Variants in RUSC2 observed in about 807,000 individuals in gnomAD.
RUSC2 encodes the protein RUN and SH3 domain containing 2, also known as AP-4 complex accessory subunit RUSC2.
RUSC2 carries 34 observed loss-of-function variants against 122.2 expected under a neutral mutation model. That is an observed-to-expected ratio of 0.28 (90% CI 0.21 to 0.37). RUSC2 has a LOEUF of 0.37. Among genes scored for constraint, RUSC2 ranks in the 10% least tolerant of loss-of-function variants. The probability of loss-of-function intolerance (pLI) is 1.00; values close to 1 mark genes in which losing one functional copy is unlikely to be tolerated. For synonymous variants in RUSC2, 784 were observed against 790.0 expected, an observed-to-expected ratio of 0.99 and a Z score of 0.13; for missense variants, 1,747 against 1,952.4, an observed-to-expected ratio of 0.89 and a Z score of 1.98.
intron 1 of RUSC2, among the ~76,000 whole-genome samples, chr9:35,512,705 G>A (rs1196154813): frequency 2.0e-5 from 3 of 152,034 alleles, no homozygotes; most frequent in Non-Finnish European, 4.4e-5. Flanking sequence ...GTTATACTTT[G>A]TTTTCTGTTT....
At chr9:35,540,068 C>T (rs1821611944) in intron 1 of RUSC2, among the ~76,000 whole-genome samples, 1 of 152,154 alleles carries the variant, frequency 6.6e-6, no homozygotes, top group Non-Finnish European at 1.5e-5. Context: ...TGCTCCATTG[C>T]TGAGCAGGTA....
At chr9:35,529,177 T>C (rs764733716) in intron 1 of RUSC2, among the ~76,000 whole-genome samples, 3 of 151,710 alleles carry the variant, frequency 2.0e-5, no homozygotes, top group Non-Finnish European at 4.4e-5. Context: ...TCAAGGAGGG[T>C]AGAGATATAA....
At chr9:35,539,216 A>C (rs887107166) in intron 1 of RUSC2, 1 of 4,660 alleles carries the variant, frequency 2.1e-4, no homozygotes, top group Non-Finnish European at 3.9e-4. Context: ...CAAAAGGGAG[A>C]GGGGGGCGGT....
At position 35,560,705 on chromosome 9, in the gene RUSC2, G is replaced by A. The variant is rs1407807900; in HGVS notation, c.4065G>A (p.Glu1355=). The A allele has an allele frequency of 6.4e-7, 1 of 1,556,992 alleles. No individual in the cohort carries two copies. The highest frequency in any genetic ancestry group is 8.7e-7 in the Non-Finnish European group (1 of 1,150,752). Reference sequence around the variant, plus strand: ...GCCCCCCTGACTCTGTGCTGGCCGAGCTGAGGCGCAGTCGGGAGAGGGAAG... The same window carrying A: ...GCCCCCCTGACTCTGTGCTGGCCGAACTGAGGCGCAGTCGGGAGAGGGAAG... ...MGSPPDSVLA[E]LRRSREREGP... Residue 1355 remains glutamate (E), a synonymous_variant, in exon 10 of 12, where the codon GAG becomes GAA. Coordinates refer to ENST00000361226, the MANE Select transcript of RUSC2 (RefSeq NM_014806.5).
At chr9:35,517,513 G>GA (rs1821130592) in intron 1 of RUSC2, among the ~76,000 whole-genome samples, 1 of 83,732 alleles carries the variant, frequency 1.2e-5, no homozygotes, top group Non-Finnish European at 2.5e-5. Flanking sequence ...CCACAAACAG[G>GA]GGAGAATTAG....
chr9:35,561,421 C>T lies in RUSC2; in HGVS notation c.*39C>T, dbSNP rs370787338. The T allele has an allele frequency of 4.8e-4, 734 of 1,524,986 alleles. No homozygotes were observed. Among genetic ancestry groups the T allele is most frequent in the Non-Finnish European group, 6.0e-4 (673 of 1,123,696 alleles). The allele number at this position is 1,524,986 out of a possible 1,614,324, so 94.5% of individuals were successfully genotyped here. On this transcript the variant is annotated 3_prime_UTR_variant, in exon 12 of 12. Coordinates refer to ENST00000361226, the MANE Select transcript of RUSC2 (RefSeq NM_014806.5). ...CTGGTGGCCTCAGGGACCCTCATAA[C>T]CCCCAGACTCAGAGCCCGAGAGCCC...
chr9:35,515,315 T>C (rs1436164361), intron 1 of RUSC2, among the ~76,000 whole-genome samples: 1 of 152,170 alleles, frequency 6.6e-6, no homozygotes, highest in East Asian at 1.9e-4. Context: ...CCTGAATCAC[T>C]ACCATGTAAA....
At chr9:35,497,683 G>A (rs756782147) in intron 1 of RUSC2, among the ~76,000 whole-genome samples, 2 of 152,158 alleles carry the variant, frequency 1.3e-5, no homozygotes, top group African/African-American at 2.4e-5. Flanking sequence ...TATTATTAAT[G>A]ATATGCACAC....
intron 1 of RUSC2, among the ~76,000 whole-genome samples, chr9:35,519,477 C>T (rs981064100): frequency 1.4e-4 from 21 of 152,104 alleles, no homozygotes; most frequent in African/African-American, 4.8e-4. Context: ...GTAACACTGG[C>T]GGTGGATTAG....
At position 35,555,385 on chromosome 9, in the gene RUSC2, C is replaced by T. The variant is rs755827653; in HGVS notation, c.2340C>T (p.Tyr780=). 7 of 1,614,242 alleles carry T rather than the reference C, an allele frequency of 4.3e-6. No homozygotes were observed. Among genetic ancestry groups the T allele is most frequent in the Non-Finnish European group, 5.9e-6 (7 of 1,180,038 alleles). The part of the protein sequence containing the change: ...ETSRPSPLGS[Y]SPIRSVGPFG... The stretch of plus-strand genomic sequence containing the variant: ...CTCGGCCATCGCCCCTGGGCAGCTA[C>T]TCCCCCATCCGGAGTGTTGGCCCCT... Residue 780 remains tyrosine (Y), a synonymous_variant, in exon 3 of 12, where the codon TAC becomes TAT. Coordinates refer to ENST00000361226, the MANE Select transcript of RUSC2 (RefSeq NM_014806.5). The surrounding 1 kb of genome is among the most constrained non-coding windows in gnomAD (Gnocchi z 4.6).
chr9:35,512,153 C>T (rs2132506605), intron 1 of RUSC2, among the ~76,000 whole-genome samples: 1 of 151,936 alleles, frequency 6.6e-6, no homozygotes, highest in Middle Eastern at 3.4e-3. Context: ...TGCACTCCAG[C>T]CTGGGCGACA....
rs184130914 is a variant in RUSC2 at position 35,554,434 on chromosome 9, G to A, written c.2015-626G>A. ...GTAAAGAAATATCTTACTATGGTTC[G>A]ATATGCTCAGGAATGAAATGTGCTG... On this transcript the variant is annotated intron_variant, in intron 2 of 11. Coordinates refer to ENST00000361226, the MANE Select transcript of RUSC2 (RefSeq NM_014806.5). Among the ~76,000 whole-genome samples, 42 of 152,322 alleles carry A rather than the reference G, an allele frequency of 2.8e-4. 1 individual carries two copies. Among genetic ancestry groups the A allele is most frequent in the Admixed American group, 2.2e-3 (34 of 15,304 alleles).
chr9:35,553,674 G>T (rs956453801), intron 2 of RUSC2, among the ~76,000 whole-genome samples: 1 of 152,218 alleles, frequency 6.6e-6, no homozygotes, highest in African/African-American at 2.4e-5. Flanking sequence ...AGATGTTCAT[G>T]CATCTGGTGT....
Position 35,560,086 on chromosome 9 carries a change from G to C in RUSC2, c.3446G>C (p.Cys1149Ser), listed in dbSNP as rs1347830549. 2 of 1,613,746 alleles carry C rather than the reference G, an allele frequency of 1.2e-6. No homozygotes were observed. The highest frequency in any genetic ancestry group is 1.1e-5 in the South Asian group (1 of 91,078). ...TTCCTGAGTGCAGCTCATACCGTGTGTCCCGGCCTCTTTGAAGAGCTGCTG... is the reference window on the plus strand; with the variant it reads ...TTCCTGAGTGCAGCTCATACCGTGTCTCCCGGCCTCTTTGAAGAGCTGCTG... ...WGFLSAAHTV[C>S]PGLFEELLLL... The change falls in exon 10 of 12, where the codon TGT becomes TCT. Residue 1149 changes from cysteine to serine, a missense_variant. Cys to Ser is a moderately radical substitution (Grantham distance 112, BLOSUM62 -1). Transcript: ENST00000361226.
At chr9:35,513,312 G>C (rs1332209688) in intron 1 of RUSC2, among the ~76,000 whole-genome samples, 1 of 151,926 alleles carries the variant, frequency 6.6e-6, no homozygotes, top group Non-Finnish European at 1.5e-5. Flanking sequence ...GTACGATCTC[G>C]GCTCACTGCA....
intron 1 of RUSC2, among the ~76,000 whole-genome samples, chr9:35,525,598 G>A (rs1007070483): frequency 5.3e-5 from 8 of 152,016 alleles, no homozygotes; most frequent in East Asian, 1.9e-4. Flanking sequence ...CCAGGAGTTC[G>A]AGATCAGCTG....
Position 35,546,317 on chromosome 9 carries a change from C to G in RUSC2, c.-92-113C>G. On this transcript the variant is annotated intron_variant, in intron 1 of 11. Coordinates refer to ENST00000361226, the MANE Select transcript of RUSC2 (RefSeq NM_014806.5). This position sits in a 1 kb window ranked among gnomAD's most constrained non-coding sequence, Gnocchi z 4.3. ...TGTGTGGTCAAGCTCCATCTTGACT[C>G]AAGCCTTTTCTCTTCCTGGGCTCTT... The G allele has an allele frequency of 2.6e-6, 1 of 387,678 alleles. No homozygotes were observed. Among genetic ancestry groups the G allele is most frequent in the Non-Finnish European group, 4.5e-6 (1 of 220,698 alleles). The allele number at this position is 387,678 out of a possible 1,614,324, so 24.0% of individuals were successfully genotyped here. A position where few individuals can be genotyped will look rare whatever the true frequency, so the allele number is the denominator to read the frequency against.
At chr9:35,504,550 C>G (rs1298415036) in intron 1 of RUSC2, among the ~76,000 whole-genome samples, 2 of 151,498 alleles carry the variant, frequency 1.3e-5, no homozygotes, top group African/African-American at 4.9e-5. Context: ...ACCGCAATCT[C>G]TGCCTCCCAG....
At chr9:35,535,534 C>CTTTT (rs1174623935) in intron 1 of RUSC2, among the ~76,000 whole-genome samples, 7 of 130,098 alleles carry the variant, frequency 5.4e-5, no homozygotes, top group East Asian at 2.2e-4. Context: ...AGGAGCTTCT[C>CTTTT]TTTTTTTTTT....
Sources: allele counts gnomAD v4.1 joint callset (sites outside exome capture counted in the v4.1 genomes callset), GRCh38; gene constraint gnomAD v4.1.1; non-coding constraint Gnocchi (gnomAD v3.1); transcripts MANE v1.5; gene names NCBI Gene and HGNC (gene_info 2026-07-23, HGNC 2026-07-21).